Variants in MOXD1 observed in about 807,000 individuals in gnomAD.
MOXD1 encodes monooxygenase DBH like 1, also known as DBH-like monooxygenase protein 1.
In MOXD1, 62 loss-of-function variants were observed where a neutral mutation model predicts 66.6. The observed-to-expected ratio is 0.93, with a 90% confidence interval of 0.76 to 1.15. The LOEUF is 1.15. MOXD1 is among the 50% of genes most tolerant of loss of function. The pLI is 0.00. For synonymous variants in MOXD1, 303 were observed against 281.9 expected (o/e 1.07, Z -0.75); for missense variants, 847 against 754.6 (o/e 1.12, Z -1.44).
chr6:132,359,611 C>T (rs1416843931), intron 4 of MOXD1, among the ~76,000 whole-genome samples: 9 of 151,712 alleles, frequency 5.9e-5, no homozygotes, highest in African/African-American at 1.5e-4. Context: ...CTCAGCCTCC[C>T]GAGTAGCTGG....
chr6:132,316,817 T>C (rs1297224699), intron 9 of MOXD1, among the ~76,000 whole-genome samples: 3 of 152,116 alleles, frequency 2.0e-5, no homozygotes, highest in Admixed American at 6.6e-5. Flanking sequence ...GTTAAATACA[T>C]GTAACTGGAG....
At chr6:132,304,228 C>CTTCCAA (rs1284327096) in intron 10 of MOXD1, among the ~76,000 whole-genome samples, 2,840 of 152,162 alleles carry the variant, frequency 0.019, 92 homozygotes, top group African/African-American at 0.066. Flanking sequence ...GTACCTTCTA[C>CTTCCAA]TTGTGAGAAC....
At chr6:132,348,902 G>T (rs149484323) in intron 4 of MOXD1, among the ~76,000 whole-genome samples, 3 of 152,242 alleles carry the variant, frequency 2.0e-5, no homozygotes, top group East Asian at 3.9e-4. Context: ...TAACATCAAA[G>T]AAGGTGCCAA....
intron 4 of MOXD1, among the ~76,000 whole-genome samples, chr6:132,358,117 T>C (rs1775943796): frequency 6.6e-6 from 1 of 152,172 alleles, no homozygotes; most frequent in African/African-American, 2.4e-5. Context: ...GTTCTGTAAA[T>C]TACTCAAGGT....
chr6:132,297,953 G>T lies in MOXD1; in HGVS notation c.1511C>A (p.Thr504Asn). 1 of 1,603,766 alleles carries T rather than the reference G, an allele frequency of 6.2e-7. No individual in the cohort carries two copies. The highest frequency in any genetic ancestry group is 8.5e-7 in the Non-Finnish European group (1 of 1,176,868). The change falls in exon 11 of 12, where the codon ACC becomes AAC. Residue 504 changes from threonine (T) to asparagine (N), a missense_variant and splice_region_variant. Transcript: ENST00000367963. The stretch of plus-strand genomic sequence containing the variant: ...GGGACTTTTGATAATGAAAGGCCAG[G>T]TCCTGAATTTAAAAGACACAGTTAG... ...GVKEIYRPVTTWPFIIKSPKQ... is the reference protein window; with the variant it reads ...GVKEIYRPVTNWPFIIKSPKQ...
Position 132,297,853 on chromosome 6 carries a change from G to T in MOXD1, c.1611C>A (p.Phe537Leu). The T allele has an allele frequency of 1.2e-6, 2 of 1,613,454 alleles. No individual in the cohort carries two copies. The highest frequency in any genetic ancestry group is 1.7e-6 in the Non-Finnish European group (2 of 1,179,644). ...CTGGCAGGCTGAGGACCAGCTTGTT[G>T]AAGGAGAGACCTTCCTTTTTAGTCC... ...FKWTKKEGLS[F>L]NKLVLSLPVN... Residue 537 changes from phenylalanine to leucine, a missense_variant, in exon 11 of 12, where the codon TTC becomes TTA. Physicochemically the swap from Phe to Leu is conservative, Grantham distance 22 (BLOSUM62 0). Coordinates refer to ENST00000367963, the MANE Select transcript of MOXD1 (RefSeq NM_015529.4).
chr6:132,351,591 T>C (rs745507953), intron 4 of MOXD1, among the ~76,000 whole-genome samples: 58 of 152,118 alleles, frequency 3.8e-4, no homozygotes, highest in Non-Finnish European at 7.2e-4. Context: ...GTTATATCGG[T>C]CAGTAGTTTT....
chr6:132,300,788 G>A (rs940479420), intron 10 of MOXD1, among the ~76,000 whole-genome samples: 3 of 152,168 alleles, frequency 2.0e-5, no homozygotes, highest in Non-Finnish European at 4.4e-5. Context: ...ACTGAGGCTG[G>A]GTGACCTGGG....
chr6:132,376,323 A>G (rs1776377457), intron 1 of MOXD1, among the ~76,000 whole-genome samples: 2 of 152,148 alleles, frequency 1.3e-5, no homozygotes, highest in African/African-American at 4.8e-5. Flanking sequence ...GTCATACTCA[A>G]ATAGATGGCA....
intron 4 of MOXD1, among the ~76,000 whole-genome samples, chr6:132,345,272 C>T (rs1029920337): frequency 9.9e-5 from 15 of 152,084 alleles, no homozygotes; most frequent in African/African-American, 3.1e-4. Context: ...TTGTTGGATT[C>T]AGTGTTATAG....
intron 4 of MOXD1, among the ~76,000 whole-genome samples, chr6:132,342,089 A>G (rs1475893246): frequency 6.7e-6 from 1 of 149,202 alleles, no homozygotes; most frequent in African/African-American, 2.5e-5. Context: ...TGCAAACTCC[A>G]CCTCCCGGAT....
At chr6:132,339,867 CTT>C (rs373137834) in intron 4 of MOXD1, among the ~76,000 whole-genome samples, 12 of 132,302 alleles carry the variant, frequency 9.1e-5, no homozygotes, top group South Asian at 2.4e-4. Context: ...AGCTACAGCT[CTT>C]TTTTTTTTTT....
intron 4 of MOXD1, among the ~76,000 whole-genome samples, chr6:132,369,266 G>C (rs917953590): frequency 1.6e-4 from 25 of 152,026 alleles, no homozygotes; most frequent in Admixed American, 1.5e-3. Context: ...AGTGCGGCAC[G>C]TTGCTGTCAA....
At chr6:132,390,813 T>C (rs1776745143) in intron 1 of MOXD1, 1 of 151,500 alleles carries the variant, frequency 6.6e-6, no homozygotes, top group Non-Finnish European at 1.5e-5. Flanking sequence ...AGGTATGGCA[T>C]ATGATGAATG....
At position 132,315,642 on chromosome 6, in the gene MOXD1, G is replaced by C. The variant is rs770639429; in HGVS notation, c.1501C>G (p.Pro501Ala). The C allele has an allele frequency of 4.3e-6, 7 of 1,610,786 alleles. No individual in the cohort carries two copies. In the Admixed American group the frequency reaches 6.8e-5, roughly 16 times the overall value. Residue 501 changes from proline to alanine, a missense_variant, in exon 10 of 12, where the codon CCA becomes GCA. Coordinates refer to ENST00000367963, the MANE Select transcript of MOXD1 (RefSeq NM_015529.4). ...QFIGVKEIYR[P>A]VTTWPFIIKS... is the part of the protein sequence containing the mutation. The stretch of plus-strand genomic sequence containing the variant: ...AATACATTTACTACTTACGTGACTG[G>C]TCTGTAGATCTCCTTAACCCCAATG...
At chr6:132,395,606 G>A (rs1229220088) in intron 1 of MOXD1, among the ~76,000 whole-genome samples, 2 of 152,048 alleles carry the variant, frequency 1.3e-5, no homozygotes, top group African/African-American at 4.8e-5. Flanking sequence ...TAAAAAACAT[G>A]ACCTGACTAT....
chr6:132,401,201 C>G lies in MOXD1; in HGVS notation c.226G>C (p.Val76Leu). 1.9e-6 allele frequency: 3 copies of G among 1,554,848 alleles called. No individual in the cohort carries two copies. Among genetic ancestry groups the G allele is most frequent in the Non-Finnish European group, 2.6e-6 (3 of 1,158,630 alleles). The change falls in exon 1 of 12, where the codon GTC becomes CTC. Residue 76 changes from valine (V) to leucine (L), a missense_variant. Coordinates refer to ENST00000367963, the MANE Select transcript of MOXD1 (RefSeq NM_015529.4). ...PTGAMASADIVVGGVAHGRPY... is the reference protein window; with the variant it reads ...PTGAMASADILVGGVAHGRPY... Reference sequence around the variant, plus strand: ...CGCCCGTGGGCCACCCCGCCCACGACGATGTCGGCGGACGCCATGGCCCCG... The same window carrying G: ...CGCCCGTGGGCCACCCCGCCCACGAGGATGTCGGCGGACGCCATGGCCCCG...
At chr6:132,327,885 G>A in intron 6 of MOXD1, 128 bp downstream of exon 6, 1 of 667,648 alleles carries the variant, frequency 1.5e-6, no homozygotes. Context: ...ATCCTAATTT[G>A]AATGACAAAT....
intron 4 of MOXD1, among the ~76,000 whole-genome samples, chr6:132,359,336 G>A (rs1028477819): frequency 4.6e-5 from 7 of 151,986 alleles, no homozygotes; most frequent in Non-Finnish European, 1.0e-4. Flanking sequence ...CTCCTCCCAA[G>A]ATGCTGGGAT....
Sources: gnomAD v4.1 joint callset for allele counts (sites outside exome capture counted in the v4.1 genomes callset) on GRCh38, gnomAD v4.1.1 for gene constraint, MANE v1.5 for transcripts, NCBI Gene and HGNC (gene_info 2026-07-23, HGNC 2026-07-21) for gene names.